The following RAI1 variants were observed in gnomAD, a reference collection of about 807,000 sequenced individuals.
The protein encoded by RAI1 is retinoic acid induced 1.
Under a neutral mutation model 123.8 loss-of-function variants are expected in RAI1, and 9 were observed. That is an observed-to-expected ratio of 0.07 (90% CI 0.04 to 0.13). The LOEUF is 0.13. Ranked by LOEUF, RAI1 falls within the 10% of genes least tolerant of loss-of-function variation. The pLI, the probability that RAI1 is intolerant of heterozygous loss-of-function variation, is 1.00. For synonymous variants in RAI1, 1,231 were observed against 1,127.3 expected (o/e 1.09, Z -1.84); for missense variants, 2,256 against 2,545.8 (o/e 0.89, Z 2.45).
intron 2 of RAI1, among the ~76,000 whole-genome samples, chr17:17,732,044 CT>C (rs1299890062): frequency 6.6e-6 from 1 of 151,956 alleles, no homozygotes; most frequent in African/African-American, 2.4e-5. Context: ...GTGTTCAGAG[CT>C]TCCTCTCGGT....
Position 17,714,519 on chromosome 17 carries a change from C to T in RAI1, c.-148-9509C>T, listed in dbSNP as rs1217518255. Among the ~76,000 whole-genome samples, 5 of 152,204 alleles carry T rather than the reference C, an allele frequency of 3.3e-5. No homozygotes were observed. The highest frequency in any genetic ancestry group is 5.9e-5 in the Non-Finnish European group (4 of 68,046). Reference sequence around the variant, plus strand: ...GCTAACATTTACGGAGGGCTTGTGGCGTGGCCAACTCTGAGTGACGTTTAT... The same window carrying T: ...GCTAACATTTACGGAGGGCTTGTGGTGTGGCCAACTCTGAGTGACGTTTAT... On this transcript the variant is annotated intron_variant, in intron 1 of 5. Coordinates refer to ENST00000353383, the MANE Select transcript of RAI1 (RefSeq NM_030665.4). This position sits in a 1 kb window ranked among gnomAD's most constrained non-coding sequence, Gnocchi z 4.9.
chr17:17,804,356 GGCCC>G (rs1485474582), intron 4 of RAI1, among the ~76,000 whole-genome samples: 5 of 152,148 alleles, frequency 3.3e-5, no homozygotes, highest in Non-Finnish European at 5.9e-5. Context: ...TATGGAGGTA[GGCCC>G]AGGCTCCCCG....
chr17:17,690,138 A>C (rs913799797), intron 1 of RAI1, among the ~76,000 whole-genome samples: 2 of 152,106 alleles, frequency 1.3e-5, no homozygotes, highest in Non-Finnish European at 1.5e-5. Context: ...CAATCCCAGC[A>C]TTTTGGGAGG....
chr17:17,684,671 C>CATATATATATATATATAT (rs58265371), intron 1 of RAI1: 1 of 125,870 alleles, frequency 7.9e-6, no homozygotes, highest in Non-Finnish European at 1.6e-5. Flanking sequence ...TCACTTAATG[C>CATATATATATATATATAT]ATATATATAT....
chr17:17,788,834 T>C (rs531675309), intron 2 of RAI1, among the ~76,000 whole-genome samples: 1 of 152,234 alleles, frequency 6.6e-6, no homozygotes, highest in African/African-American at 2.4e-5. Context: ...CCACAGCAGC[T>C]CTGGCCTACA....
At chr17:17,723,590 G>A (rs1268936369) in intron 1 of RAI1, among the ~76,000 whole-genome samples, 4 of 139,764 alleles carry the variant, frequency 2.9e-5, no homozygotes, top group African/African-American at 1.1e-4. Context: ...GGGTGACCCC[G>A]AGGCCCCGCG....
chr17:17,700,828 C>T (rs968464131), intron 1 of RAI1, among the ~76,000 whole-genome samples: 3 of 152,114 alleles, frequency 2.0e-5, no homozygotes. Flanking sequence ...CCCGCGCCGT[C>T]CCCCGGCCAT....
Position 17,809,080 on chromosome 17 carries a change from AAGGC to A in RAI1, c.5660-309_5660-306del, listed in dbSNP as rs2032653007. ...CAGTGACAAGTGTGGCTGGCAGAGT[AAGGC>A]GGGAGGGAGGGAGGGACTGAGGGAC... On this transcript the variant is annotated intron_variant, in intron 4 of 5. Transcript: ENST00000353383. This position sits in a 1 kb window ranked among gnomAD's most constrained non-coding sequence, Gnocchi z 4.9. 2.2e-6 allele frequency: 1 copy of A among 462,806 alleles called. No individual in the cohort carries two copies. Among genetic ancestry groups the A allele is most frequent in the Non-Finnish European group, 4.0e-6 (1 of 248,818 alleles). 28.7% of individuals were successfully genotyped at this position (462,806 alleles called of 1,614,324 possible). A position where few individuals can be genotyped will look rare whatever the true frequency, so the allele number is the denominator to read the frequency against.
intron 1 of RAI1, among the ~76,000 whole-genome samples, chr17:17,723,489 CCCT>C (rs369219949): frequency 1.3e-5 from 2 of 151,998 alleles, no homozygotes; most frequent in Non-Finnish European, 2.9e-5. Flanking sequence ...TCCCTCCCTC[CCCT>C]CCTCTATCTT....
At chr17:17,757,640 C>G (rs1287526607) in intron 2 of RAI1, among the ~76,000 whole-genome samples, 1 of 152,186 alleles carries the variant, frequency 6.6e-6, no homozygotes. Flanking sequence ...CAACCACTAC[C>G]ACTTGCAGCT....
chr17:17,684,849 C>T (rs1259495614), intron 1 of RAI1: 1 of 151,896 alleles, frequency 6.6e-6, no homozygotes, highest in Non-Finnish European at 1.5e-5. Flanking sequence ...TGGCGAAGTC[C>T]TTCAGGGCAA....
At chr17:17,780,355 C>A (rs535401018) in intron 2 of RAI1, among the ~76,000 whole-genome samples, 1 of 152,220 alleles carries the variant, frequency 6.6e-6, no homozygotes, top group South Asian at 2.1e-4. Flanking sequence ...CGTGAGGCAT[C>A]GCACCCGGCC....
In RAI1 at chr17:17,797,131, G is replaced by C. The variant is rs1458340042; in HGVS notation, c.4183G>C (p.Gly1395Arg). 12 of 1,613,934 alleles carry C rather than the reference G, an allele frequency of 7.4e-6. No individual in the cohort carries two copies. Among genetic ancestry groups the C allele is most frequent in the Admixed American group, 5.0e-5 (3 of 60,008 alleles). The part of the protein sequence containing the change: ...VGTGQKLPTS[G>R]ADPLCRNPTN... Reference sequence around the variant, plus strand: ...CACCGGGCAGAAGCTCCCAACTTCTGGGGCTGATCCGTTATGCAGAAATCC... The same window carrying C: ...CACCGGGCAGAAGCTCCCAACTTCTCGGGCTGATCCGTTATGCAGAAATCC... Residue 1395 changes from glycine (G) to arginine (R), a missense_variant, in exon 3 of 6, where the codon GGG becomes CGG. Coordinates refer to ENST00000353383, the MANE Select transcript of RAI1 (RefSeq NM_030665.4).
intron 2 of RAI1, among the ~76,000 whole-genome samples, chr17:17,758,243 C>G (rs1283203614): frequency 6.6e-6 from 1 of 152,234 alleles, no homozygotes; most frequent in Non-Finnish European, 1.5e-5. Flanking sequence ...CCCTACCAAC[C>G]CGGCCACCAC....
At position 17,811,066 on chromosome 17, in the gene RAI1, CCCGGG is replaced by C; in HGVS notation, c.*1088_*1092del. 1 of 311,662 alleles carries C rather than the reference CCCGGG, an allele frequency of 3.2e-6. No individual in the cohort carries two copies. Among genetic ancestry groups the C allele is most frequent in the Non-Finnish European group, 6.4e-6 (1 of 157,162 alleles). The allele number at this position is 311,662 out of a possible 1,614,324, so 19.3% of individuals were successfully genotyped here. ...CACTTGTCCACGCAGCCACCACCGGCCCGGGCCAGTCCCTGCCAGTCCGTCCGCCT... is the reference window on the plus strand; with the variant it reads ...CACTTGTCCACGCAGCCACCACCGGCCCAGTCCCTGCCAGTCCGTCCGCCT... On this transcript the variant is annotated 3_prime_UTR_variant, in exon 6 of 6. Transcript: ENST00000353383.
At chr17:17,769,440 A>T (rs1287440963) in intron 2 of RAI1, among the ~76,000 whole-genome samples, 1 of 152,196 alleles carries the variant, frequency 6.6e-6, no homozygotes, top group Non-Finnish European at 1.5e-5. Context: ...CGGGGGCTCA[A>T]GAGGTCTGAG....
chr17:17,802,881 C>G (rs887012278), intron 3 of RAI1, among the ~76,000 whole-genome samples: 1 of 151,916 alleles, frequency 6.6e-6, no homozygotes, highest in African/African-American at 2.4e-5. Context: ...GTCGGGAGTT[C>G]GAGACCAGCC....
chr17:17,792,243 A>G (rs1263255674), intron 2 of RAI1, among the ~76,000 whole-genome samples: 1 of 152,190 alleles, frequency 6.6e-6, no homozygotes, highest in African/African-American at 2.4e-5. Context: ...GCAGCCCCTA[A>G]TCGATGTCTG....
At chr17:17,715,299 C>A (rs1030326972) in intron 1 of RAI1, among the ~76,000 whole-genome samples, 1 of 152,256 alleles carries the variant, frequency 6.6e-6, no homozygotes, top group South Asian at 2.1e-4. Flanking sequence ...TAAGCAGCCC[C>A]ATGACAAGCT....
Sources: gnomAD v4.1 joint callset for allele counts (sites outside exome capture counted in the v4.1 genomes callset) on GRCh38, gnomAD v4.1.1 for gene constraint, Gnocchi (gnomAD v3.1) non-coding constraint, MANE v1.5 for transcripts, NCBI Gene and HGNC (gene_info 2026-07-23, HGNC 2026-07-21) for gene names.